Variants in NRG2 observed in about 807,000 individuals in gnomAD.
NRG2 encodes neuregulin 2.
NRG2 carries 27 observed loss-of-function variants against 73.9 expected under a neutral mutation model. The ratio of observed to expected loss-of-function variants is 0.37; its 90% CI spans 0.27 to 0.50. The LOEUF (loss-of-function observed/expected upper bound fraction) is 0.50, where lower values mean the gene tolerates loss of function less well. Ranked by LOEUF, NRG2 falls within the 20% of genes least tolerant of loss-of-function variation. NRG2 has a pLI of 0.96. For synonymous variants in NRG2, 532 were observed against 541.0 expected, an observed-to-expected ratio of 0.98 and a Z score of 0.23; for missense variants, 1,126 against 1,210.1, an observed-to-expected ratio of 0.93 and a Z score of 1.03.
chr5:140,004,707 C>A lies in NRG2; in HGVS notation c.700+37663G>T, dbSNP rs1036503865. The stretch of plus-strand genomic sequence containing the variant: ...AAAAATTATTACAAATTAGAAGAGA[C>A]AAAGGAGGAATAATGACTATATGCA... On this transcript the variant is annotated intron_variant, in intron 1 of 9. Coordinates refer to ENST00000361474, the MANE Select transcript of NRG2 (RefSeq NM_004883.3). 3.3e-5 allele frequency among the ~76,000 whole-genome samples: 5 copies of A among 152,214 alleles called. No homozygotes were observed. The East Asian group carries it at 9.6e-4, about 29-fold the overall frequency.
intron 1 of NRG2, among the ~76,000 whole-genome samples, chr5:139,933,630 A>C (rs903042395): frequency 1.3e-5 from 2 of 152,174 alleles, no homozygotes; most frequent in African/African-American, 4.8e-5. Context: ...AAATAGAAAA[A>C]CCCACAATCA....
chr5:140,041,491 T>C (rs894462359), intron 1 of NRG2, among the ~76,000 whole-genome samples: 1 of 152,162 alleles, frequency 6.6e-6, no homozygotes, highest in Non-Finnish European at 1.5e-5. Context: ...GATTTCAGTG[T>C]TTTGTTTCTA....
At chr5:140,031,250 G>A (rs1761124273) in intron 1 of NRG2, among the ~76,000 whole-genome samples, 1 of 152,212 alleles carries the variant, frequency 6.6e-6, no homozygotes, top group African/African-American at 2.4e-5. Flanking sequence ...AGAAAGGAAG[G>A]AAGCCAGGTG....
rs892249633 is a variant in NRG2, at chr5:139,904,743, G to A, written c.701-17232C>T. Among the ~76,000 whole-genome samples, 1 of 152,200 alleles carries A rather than the reference G, an allele frequency of 6.6e-6. No individual in the cohort carries two copies. The highest frequency in any genetic ancestry group is 1.5e-5 in the Non-Finnish European group (1 of 68,030). ...CTGGGGGCCTGAGCATGATTGGGGA[G>A]GGCGGAGTAGAGATCCCCCAGCGAG... On this transcript the variant is annotated intron_variant, in intron 1 of 9. Transcript: ENST00000361474. This position sits in a 1 kb window ranked among gnomAD's most constrained non-coding sequence, Gnocchi z 6.0.
At chr5:139,914,192 T>C (rs935243115) in intron 1 of NRG2, among the ~76,000 whole-genome samples, 1 of 152,126 alleles carries the variant, frequency 6.6e-6, no homozygotes, top group African/African-American at 2.4e-5. Flanking sequence ...TGGGGTGGTC[T>C]GTCATGGTGG....
intron 1 of NRG2, among the ~76,000 whole-genome samples, chr5:139,998,502 G>C (rs1758197949): frequency 2.0e-5 from 3 of 152,082 alleles, no homozygotes; most frequent in Admixed American, 1.3e-4. Flanking sequence ...TCCAAACTGG[G>C]ACCCAATCTA....
intron 1 of NRG2, among the ~76,000 whole-genome samples, chr5:139,933,049 C>A (rs1033554183): frequency 6.6e-6 from 1 of 152,062 alleles, no homozygotes; most frequent in Admixed American, 6.6e-5. Flanking sequence ...CCAAGGTGGG[C>A]GGATCACTTG....
chr5:139,900,040 C>T (rs1315441498), intron 1 of NRG2, among the ~76,000 whole-genome samples: 1 of 152,208 alleles, frequency 6.6e-6, no homozygotes, highest in African/African-American at 2.4e-5. Context: ...CCCTGTCTCC[C>T]ATGCAAGTTG....
In NRG2 at chr5:139,852,045, G is replaced by A. The variant is rs1761471057; in HGVS notation, c.1545-214C>T. On this transcript the variant is annotated intron_variant, in intron 8 of 9. Transcript: ENST00000361474. This position sits in a 1 kb window ranked among gnomAD's most constrained non-coding sequence, Gnocchi z 4.4. ...GTCCCATAGATGGGTGAGCTGTAAT[G>A]TGCAGAGACCCATTTCTTTCCTTCC... 6.6e-6 allele frequency among the ~76,000 whole-genome samples: 1 copy of A among 152,212 alleles called. No homozygotes were observed. The highest frequency in any genetic ancestry group is 1.9e-4 in the East Asian group (1 of 5,198).
chr5:139,855,740 T>C lies in NRG2; in HGVS notation c.1228A>G (p.Thr410Ala), dbSNP rs751948061. Residue 410 changes from threonine to alanine, a missense_variant, in exon 6 of 10, where the codon ACG (threonine) becomes GCG (alanine). Thr to Ala is a moderately conservative substitution (Grantham distance 58, BLOSUM62 0). This residue lies in a region of NRG2 where 539 missense variants were observed against 703.2 expected (regional missense o/e 0.77). Transcript: ENST00000361474. ...ELYQKRVLTI[T>A]GICVALLVVG... ...ACCAGCAGAGCCACGCAGATGCCCG[T>C]GATGGTCAGGACCCTCTTCTGGTAC... The C allele has an allele frequency of 6.2e-7, 1 of 1,614,042 alleles. No homozygotes were observed. Among genetic ancestry groups the C allele is most frequent in the South Asian group, 1.1e-5 (1 of 91,072 alleles).
rs556325600 is a variant in NRG2, at chr5:139,894,418, T to C, written c.701-6907A>G. Among the ~76,000 whole-genome samples the C allele has an allele frequency of 1.4e-5, 2 of 146,220 alleles. No individual in the cohort carries two copies. The highest frequency in any genetic ancestry group is 1.3e-4 in the Admixed American group (2 of 14,880). ...CCACCCACAAAGTGACTGCAACCTA[T>C]TGGAGGTTAATTACAGACTCCAAGT... On this transcript the variant is annotated intron_variant, in intron 1 of 9. Transcript: ENST00000361474. The surrounding 1 kb of genome is among the most constrained non-coding windows in gnomAD (Gnocchi z 5.0).
intron 1 of NRG2, among the ~76,000 whole-genome samples, chr5:139,925,906 C>T (rs548583554): frequency 1.7e-4 from 26 of 152,250 alleles, no homozygotes; most frequent in Admixed American, 3.9e-4. Flanking sequence ...TCCCAAGCAG[C>T]TCATCCATGG....
At chr5:139,992,956 C>T (rs532884169) in intron 1 of NRG2, among the ~76,000 whole-genome samples, 28 of 151,874 alleles carry the variant, frequency 1.8e-4, no homozygotes, top group Non-Finnish European at 3.7e-4. Flanking sequence ...GGGTCTCTTT[C>T]GATCTATATA....
rs1761834856 is a variant in NRG2 at position 139,856,799 on chromosome 5, C to A, written c.1190-1021G>T. Among the ~76,000 whole-genome samples, 1 of 152,192 alleles carries A rather than the reference C, an allele frequency of 6.6e-6. No individual in the cohort carries two copies. Among genetic ancestry groups the A allele is most frequent in the South Asian group, 2.1e-4 (1 of 4,832 alleles). Reference sequence around the variant, plus strand: ...AGACCCCTTCATTCACGCACACACACCTGCACACACAACATATGCACACAC... The same window carrying A: ...AGACCCCTTCATTCACGCACACACAACTGCACACACAACATATGCACACAC... On this transcript the variant is annotated intron_variant, in intron 5 of 9. Coordinates refer to ENST00000361474, the MANE Select transcript of NRG2 (RefSeq NM_004883.3). The surrounding 1 kb of genome is among the most constrained non-coding windows in gnomAD (Gnocchi z 4.2).
intron 1 of NRG2, among the ~76,000 whole-genome samples, chr5:139,948,625 G>A (rs922651586): frequency 2.6e-5 from 4 of 152,204 alleles, no homozygotes; most frequent in African/African-American, 9.7e-5. Context: ...CTGAATACCA[G>A]GAGGTCTGGA....
intron 1 of NRG2, among the ~76,000 whole-genome samples, chr5:139,965,744 T>C (rs1405618140): frequency 6.6e-6 from 1 of 152,174 alleles, no homozygotes; most frequent in Non-Finnish European, 1.5e-5. Context: ...CAGACAGTGC[T>C]AAAAGGAAGA....
rs1561693589 is a variant in NRG2, at chr5:139,938,880, GAAGGAAAGAAAGAAAGAAAGAAAGAAAA to G, written c.701-51397_701-51370del. 7.7e-4 allele frequency among the ~76,000 whole-genome samples: 60 copies of G among 77,960 alleles called. 1 individual carries two copies. Among genetic ancestry groups the G allele is most frequent in the Middle Eastern group, 7.6e-3 (1 of 132 alleles). The allele number at this position is 77,960 out of a possible 152,430, so 51.1% of individuals were successfully genotyped here. A position where few individuals can be genotyped will look rare whatever the true frequency, so the allele number is the denominator to read the frequency against. ...AGAGAGAGAGAGAGAGAGAGAGAGA[GAAGGAAAGAAAGAAAGAAAGAAAGAAAA>G]GAAAGAAAGAAAGAAAGAAAGAAAG... On this transcript the variant is annotated intron_variant, in intron 1 of 9. Coordinates refer to ENST00000361474, the MANE Select transcript of NRG2 (RefSeq NM_004883.3).
intron 1 of NRG2, among the ~76,000 whole-genome samples, chr5:139,977,478 T>C (rs1473511664): frequency 6.6e-6 from 1 of 152,184 alleles, no homozygotes; most frequent in Non-Finnish European, 1.5e-5. Context: ...CGTCAAGGTA[T>C]GGGTAGGAAG....
chr5:139,903,213 C>G (rs186454259), intron 1 of NRG2, among the ~76,000 whole-genome samples: 1 of 152,276 alleles, frequency 6.6e-6, no homozygotes, highest in East Asian at 1.9e-4. Context: ...GATAGAGACC[C>G]AGCAAGTCTC....
Sources: allele counts gnomAD v4.1 joint callset (sites outside exome capture counted in the v4.1 genomes callset), GRCh38; gene constraint gnomAD v4.1.1; regional missense constraint gnomAD v4.1.1; non-coding constraint Gnocchi (gnomAD v3.1); transcripts MANE v1.5; gene names NCBI Gene and HGNC (gene_info 2026-07-23, HGNC 2026-07-21).